The following CYP4F2 variants were observed in gnomAD, a reference collection of about 807,000 sequenced individuals.
CYP4F2 encodes cytochrome P450 4F2.
CYP4F2 carries 58 observed loss-of-function variants against 58.9 expected under a neutral mutation model. The observed-to-expected ratio is 0.98, with a 90% CI of 0.80 to 1.23. The LOEUF is 1.23. Ranked by LOEUF, CYP4F2 falls within the 50% of genes most tolerant of loss-of-function variation. The probability of loss-of-function intolerance (pLI) is 0.00; values close to 1 mark genes in which losing one functional copy is unlikely to be tolerated. For missense variants in CYP4F2, 616 were observed against 685.6 expected (o/e 0.90, Z 1.13); for synonymous variants, 287 against 261.1 (o/e 1.10, Z -0.95).
chr19:15,880,228 G>A (rs2089335465), intron 9 of CYP4F2, among the ~76,000 whole-genome samples: 1 of 152,130 alleles, frequency 6.6e-6, no homozygotes, highest in African/African-American at 2.4e-5. Flanking sequence ...TAACTTCACA[G>A]AAGTTGAATA....
chr19:15,892,210 G>C (rs1467326124), intron 5 of CYP4F2, 99 bp downstream of exon 5: 4 of 1,559,590 alleles, frequency 2.6e-6, no homozygotes, highest in Non-Finnish European at 3.5e-6. Flanking sequence ...AAGAGCAATG[G>C]CCCAATGGCA....
At chr19:15,890,534 A>G (rs1184437959) in intron 5 of CYP4F2, 101 bp from the exon 6 acceptor site, 3 of 1,531,094 alleles carry the variant, frequency 2.0e-6, no homozygotes, top group Non-Finnish European at 2.6e-6. Context: ...AAGCCTCTTC[A>G]TCTTCTCCCC....
At chr19:15,886,431 G>C in intron 7 of CYP4F2, 123 bp from the exon 8 acceptor site, 1 of 1,320,882 alleles carries the variant, frequency 7.6e-7, no homozygotes, top group Non-Finnish European at 1.1e-6. Context: ...AGAAATCCAA[G>C]TCCATCTTGC....
chr19:15,895,623 C>G lies in CYP4F2; in HGVS notation c.226G>C (p.Val76Leu). ...TAGGTGGCCACCAGCTGAGTCAGAACTCTCATGCCCTCCTCTGTGGGGTTG... is the reference window on the plus strand; with the variant it reads ...TAGGTGGCCACCAGCTGAGTCAGAAGTCTCATGCCCTCCTCTGTGGGGTTG... ...MVNPTEEGMR[V>L]LTQLVATYPQ... Residue 76 changes from valine (V) to leucine (L), a missense_variant, in exon 3 of 13, where the codon GTT becomes CTT. Physicochemically the swap from Val to Leu is conservative, Grantham distance 32 (BLOSUM62 1). Transcript: ENST00000221700. The G allele has an allele frequency of 6.3e-7, 1 of 1,596,726 alleles. No homozygotes were observed. The highest frequency in any genetic ancestry group is 8.5e-7 in the Non-Finnish European group (1 of 1,172,642).
chr19:15,895,655 A>C lies in CYP4F2; in HGVS notation c.199-5T>G. On this transcript the variant is annotated splice_region_variant and splice_polypyrimidine_tract_variant and intron_variant, in intron 2 of 12. Transcript: ENST00000221700. ...GCCCTCCTCTGTGGGGTTGACCTGC[A>C]AGCAAGGCAGGGGTCATTACCTTCT... is the stretch of plus-strand genomic sequence containing the variant. 6.3e-7 allele frequency: 1 copy of C among 1,594,810 alleles called. No homozygotes were observed.
Position 15,889,668 on chromosome 19 carries a change from T to C in CYP4F2, c.673A>G (p.Ile225Val). Residue 225 changes from isoleucine to valine, a missense_variant, in exon 7 of 13, where the codon ATC (isoleucine) becomes GTC (valine). Coordinates refer to ENST00000221700, the MANE Select transcript of CYP4F2 (RefSeq NM_001082.5). Reference sequence around the variant, plus strand: ...GATACAAGGGCACTGAGCTCCAAGATGGCGGCAATATATTCACTGGGTTTC... The same window carrying C: ...GATACAAGGGCACTGAGCTCCAAGACGGCGGCAATATATTCACTGGGTTTC... ...QEKPSEYIAA[I>V]LELSALVSKR... 1 of 1,614,000 alleles carries C rather than the reference T, an allele frequency of 6.2e-7. No homozygotes were observed.
intron 5 of CYP4F2, among the ~76,000 whole-genome samples, chr19:15,891,537 G>A (rs1329333931): frequency 2.0e-5 from 3 of 151,982 alleles, no homozygotes; most frequent in Non-Finnish European, 2.9e-5. Context: ...CACACCCTTT[G>A]CAATGTGATT....
chr19:15,880,035 A>G (rs763473651), intron 9 of CYP4F2, 138 bp from the exon 10 acceptor site: 9 of 1,554,250 alleles, frequency 5.8e-6, no homozygotes, highest in Non-Finnish European at 7.8e-6. Flanking sequence ...AGTCGCAAGA[A>G]TAAAAATAGT....
At position 15,885,976 on chromosome 19, in the gene CYP4F2, G is replaced by A. The variant is rs368561608; in HGVS notation, c.1063C>T (p.Arg355Trp). The part of the protein sequence containing the change: ...AKHPEYQERC[R>W]QEVQELLKDR... ...TTCAGAAGTTCTTGCACCTCCTGCC[G>A]GCAGCGCTCCTGGTATTCTGGGTGC... Residue 355 changes from arginine (R) to tryptophan (W), a missense_variant, in exon 9 of 13, where the codon CGG becomes TGG. Physicochemically the swap from Arg to Trp is moderately radical, Grantham distance 101 (BLOSUM62 -3). Coordinates refer to ENST00000221700, the MANE Select transcript of CYP4F2 (RefSeq NM_001082.5). 33 of 1,613,966 alleles carry A rather than the reference G, an allele frequency of 2.0e-5. No individual in the cohort carries two copies. The highest frequency in any genetic ancestry group is 4.4e-5 in the South Asian group (4 of 91,080).
Position 15,879,771 on chromosome 19 carries a change from G to A in CYP4F2, c.1242C>T (p.Ile414=), listed in dbSNP as rs143888844. The change falls in exon 10 of 13, where the codon ATC becomes ATT. Residue 414 remains isoleucine (I), a synonymous_variant. Coordinates refer to ENST00000221700, the MANE Select transcript of CYP4F2 (RefSeq NM_001082.5). ...QDIVLPDGRV[I]PKGIICLISV... ...CCGTGAGGCTGTGAGCACCTTTGGG[G>A]ATGACCCGGCCGTCTGGGAGCACAA... 73 of 1,614,158 alleles carry A rather than the reference G, an allele frequency of 4.5e-5. No homozygotes were observed. In the African/African-American group the frequency reaches 7.6e-4, roughly 17 times the overall value.
chr19:15,888,627 G>C (rs1377667931), intron 7 of CYP4F2, among the ~76,000 whole-genome samples: 1 of 151,960 alleles, frequency 6.6e-6, no homozygotes, highest in African/African-American at 2.4e-5. Flanking sequence ...CACATACATA[G>C]ACTAAGTCAC....
intron 3 of CYP4F2, 73 bp from the exon 4 acceptor site, chr19:15,892,655 C>T (rs1354100093): frequency 6.3e-7 from 1 of 1,575,486 alleles, no homozygotes; most frequent in Admixed American, 1.8e-5. Flanking sequence ...GTGGAGGCTC[C>T]CAGCAAGAGG....
At chr19:15,886,407 T>G in intron 7 of CYP4F2, 99 bp from the exon 8 acceptor site, 1 of 1,456,228 alleles carries the variant, frequency 6.9e-7, no homozygotes, top group Non-Finnish European at 9.4e-7. Context: ...TCTCTGAAGA[T>G]TCATCCTTTT....
At position 15,889,474 on chromosome 19, in the gene CYP4F2, G is replaced by C. The variant is rs746142491; in HGVS notation, c.867C>G (p.Ala289=). 12 of 1,614,176 alleles carry C rather than the reference G, an allele frequency of 7.4e-6. No individual in the cohort carries two copies. In the Middle Eastern group the frequency reaches 1.5e-3, roughly 200 times the overall value. ...AGTCCAAAGTCTTGGATTTGGCCTT[G>C]GCTTGGAGGAAGTCATCAACACCCT... ...PSQGVDDFLQ[A]KAKSKTLDFI... The change falls in exon 7 of 13, where the codon GCC becomes GCG. Residue 289 remains alanine, a synonymous_variant. Coordinates refer to ENST00000221700, the MANE Select transcript of CYP4F2 (RefSeq NM_001082.5).
chr19:15,894,658 G>C (rs1313785940), intron 3 of CYP4F2, among the ~76,000 whole-genome samples: 1 of 152,174 alleles, frequency 6.6e-6, no homozygotes, highest in African/African-American at 2.4e-5. Context: ...AACTGAAAGA[G>C]ACTTCAATAA....
chr19:15,896,841 G>C (rs927174640), intron 2 of CYP4F2, among the ~76,000 whole-genome samples: 2 of 152,224 alleles, frequency 1.3e-5, no homozygotes, highest in Non-Finnish European at 2.9e-5. Context: ...GCAAGGTCAC[G>C]GGGAGGAGAA....
chr19:15,878,684 T>G lies in CYP4F2; in HGVS notation c.*87A>C. The G allele has an allele frequency of 6.5e-7, 1 of 1,545,570 alleles. No individual in the cohort carries two copies. On this transcript the variant is annotated 3_prime_UTR_variant, in exon 13 of 13. Coordinates refer to ENST00000221700, the MANE Select transcript of CYP4F2 (RefSeq NM_001082.5). The stretch of plus-strand genomic sequence containing the variant: ...ATATCTAGGATGGAATACAGGACTG[T>G]GGAACAGGGTCTTAGGGTAATTCTA...
At chr19:15,893,800 GC>G in intron 3 of CYP4F2, 1 of 245,404 alleles carries the variant, frequency 4.1e-6, no homozygotes, top group Non-Finnish European at 9.1e-6. Flanking sequence ...GCCTGCCAGG[GC>G]CCCACCCACC....
chr19:15,886,502 GCT>G, intron 7 of CYP4F2, 194 bp from the exon 8 acceptor site: 1 of 614,066 alleles, frequency 1.6e-6, no homozygotes, highest in Non-Finnish European at 2.8e-6. Flanking sequence ...TTCCTCTCTG[GCT>G]TCCTTGCCTC....
Sources: allele counts gnomAD v4.1 joint callset (sites outside exome capture counted in the v4.1 genomes callset), GRCh38; gene constraint gnomAD v4.1.1; transcripts MANE v1.5; gene names NCBI Gene and HGNC (gene_info 2026-07-23, HGNC 2026-07-21).